Variants in TMEM220 observed in about 807,000 individuals in gnomAD.
The protein encoded by TMEM220 is transmembrane protein 220.
TMEM220 carries 21 observed loss-of-function variants against 21.7 expected under a neutral mutation model. The ratio of observed to expected loss-of-function variants is 0.97; its 90% CI spans 0.69 to 1.39. TMEM220 has a LOEUF of 1.39. TMEM220 is among the 40% of genes most tolerant of loss of function. The probability of loss-of-function intolerance (pLI) is 0.00; values close to 1 mark genes in which losing one functional copy is unlikely to be tolerated. For synonymous variants in TMEM220, 80 were observed against 73.6 expected (o/e 1.09, Z -0.45); for missense variants, 191 against 201.9 (o/e 0.95, Z 0.33).
Position 10,714,406 on chromosome 17 carries a change from C to T in TMEM220, c.*1047G>A, listed in dbSNP as rs2151467827. The T allele has an allele frequency of 6.6e-6, 1 of 151,820 alleles. No homozygotes were observed. Among genetic ancestry groups the T allele is most frequent in the Non-Finnish European group, 1.5e-5 (1 of 67,904 alleles). 9.4% of individuals were successfully genotyped at this position (151,820 alleles called of 1,614,324 possible). ...AAATGAAAAAAAAAAAAGCTCTCCT[C>T]CCTAGGATTACTTTGGACATCCATT... On this transcript the variant is annotated 3_prime_UTR_variant, in exon 6 of 6. Transcript: ENST00000341871.
At chr17:10,726,654 G>GC (rs1299924973) in intron 2 of TMEM220, among the ~76,000 whole-genome samples, 1 of 152,200 alleles carries the variant, frequency 6.6e-6, no homozygotes, top group Non-Finnish European at 1.5e-5. Flanking sequence ...CAGCCACGAT[G>GC]CTAGATGGCC....
intron 2 of TMEM220, 76 bp downstream of exon 2, chr17:10,728,955 G>C (rs1459831943): frequency 4.7e-6 from 7 of 1,495,920 alleles, no homozygotes; most frequent in Non-Finnish European, 6.5e-6. Flanking sequence ...GAGGGGTAAA[G>C]ACATAAAACC....
intron 3 of TMEM220, 130 bp from the exon 4 acceptor site, chr17:10,725,264 C>T: frequency 1.5e-6 from 2 of 1,311,984 alleles, no homozygotes; most frequent in Non-Finnish European, 2.1e-6. Flanking sequence ...CCCCATCGCC[C>T]CTTTTTGTTT....
intron 5 of TMEM220, among the ~76,000 whole-genome samples, chr17:10,718,114 G>A (rs1441339235): frequency 2.6e-5 from 4 of 152,034 alleles, no homozygotes; most frequent in East Asian, 1.9e-4. Context: ...GAGCCACGGC[G>A]CCCGGCCCTA....
At chr17:10,716,014 C>T in intron 5 of TMEM220, 1 of 512,866 alleles carries the variant, frequency 1.9e-6, no homozygotes, top group South Asian at 1.9e-5. Context: ...ACAAAATGTT[C>T]TTGATAATGG....
At chr17:10,713,113 A>G (rs1183040600), downstream of TMEM220, among the ~76,000 whole-genome samples, 4 of 151,998 alleles carry the variant, frequency 2.6e-5, no homozygotes, top group Admixed American at 6.6e-5. Context: ...TCTACTAAAA[A>G]TACAAAAATT....
intron 5 of TMEM220, chr17:10,715,875 C>T (rs377255): frequency 0.48 from 161,389 of 337,640 alleles, 39,623 homozygotes; most frequent in African/African-American, 0.64. Flanking sequence ...GATTTTTGTG[C>T]TGTTTAAGAA....
Position 10,723,314 on chromosome 17 carries a change from C to T in TMEM220, c.303G>A (p.Leu101=). 1.2e-6 allele frequency: 2 copies of T among 1,614,026 alleles called. No homozygotes were observed. Among genetic ancestry groups the T allele is most frequent in the Non-Finnish European group, 1.7e-6 (2 of 1,179,958 alleles). The change falls in exon 5 of 6, where the codon CTG becomes CTA. Residue 101 remains leucine, a synonymous_variant. Coordinates refer to ENST00000341871, the MANE Select transcript of TMEM220 (RefSeq NM_001004313.3). ...GGATAATCCATGCTGTAATAATCAC[C>T]AGACCAGACAGCTCCCTATAAAAGG... is the stretch of plus-strand genomic sequence containing the variant. ...HEEEGRELSG[L]VIITAWIILC...
chr17:10,715,400 TA>T lies in TMEM220; in HGVS notation c.*52del. On this transcript the variant is annotated 3_prime_UTR_variant, in exon 6 of 6. Transcript: ENST00000341871. ...ACTCCTGGCTTGTTCCCCTAATGTT[TA>T]TAAAAAATTGATTGAAAATATTCAT... 6.5e-7 allele frequency: 1 copy of T among 1,527,314 alleles called. No individual in the cohort carries two copies. The highest frequency in any genetic ancestry group is 8.8e-7 in the Non-Finnish European group (1 of 1,131,410). 94.6% of individuals were successfully genotyped at this position (1,527,314 alleles called of 1,614,324 possible). A position where few individuals can be genotyped will look rare whatever the true frequency, so the allele number is the denominator to read the frequency against.
Position 10,715,249 on chromosome 17 carries a change from C to G in TMEM220, c.*204G>C. On this transcript the variant is annotated 3_prime_UTR_variant, in exon 6 of 6. Transcript: ENST00000341871. ...CACTACATTATGACACAAGACCCTG[C>G]AGAAAGTCGTCTGGAAAATATCAGA... 2.2e-6 allele frequency: 1 copy of G among 447,630 alleles called. No homozygotes were observed. Among genetic ancestry groups the G allele is most frequent in the Non-Finnish European group, 3.9e-6 (1 of 254,902 alleles). The allele number at this position is 447,630 out of a possible 1,614,324, so 27.7% of individuals were successfully genotyped here.
chr17:10,712,114 G>A (rs182759553), downstream of TMEM220, among the ~76,000 whole-genome samples: 466 of 152,302 alleles, frequency 3.1e-3, 3 homozygotes, highest in Non-Finnish European at 4.7e-3. Context: ...TGAAACCAAG[G>A]TGTTGGCATG....
intron 1 of TMEM220, 125 bp downstream of exon 1, chr17:10,729,655 A>G (rs450562): frequency 0.43 from 348,092 of 800,350 alleles, 77,792 homozygotes; most frequent in African/African-American, 0.64. Flanking sequence ...AGAAAGCCCA[A>G]GTCCCGTCCT....
chr17:10,716,859 T>G (rs1335539885), intron 5 of TMEM220, among the ~76,000 whole-genome samples: 3 of 152,260 alleles, frequency 2.0e-5, no homozygotes, highest in Non-Finnish European at 4.4e-5. Flanking sequence ...TATTTAGGTC[T>G]TCTTCAATTT....
Position 10,715,460 on chromosome 17 carries a change from A to C in TMEM220, c.476T>G (p.Val159Gly). 1 of 1,580,028 alleles carries C rather than the reference A, an allele frequency of 6.3e-7. No homozygotes were observed. The highest frequency in any genetic ancestry group is 8.5e-7 in the Non-Finnish European group (1 of 1,172,400). The change falls in exon 6 of 6, where the codon GTA becomes GGA. Residue 159 changes from valine (V) to glycine (G), a missense_variant. Physicochemically the swap from Val to Gly is moderately radical, Grantham distance 109. Coordinates refer to ENST00000341871, the MANE Select transcript of TMEM220 (RefSeq NM_001004313.3). Reference sequence around the variant, plus strand: ...CGAAGTTCTTGAATTTATTTAAATTACTGTCTTGCAGTGAGTTGGCCAAGA... The same window carrying C: ...CGAAGTTCTTGAATTTATTTAAATTCCTGTCTTGCAGTGAGTTGGCCAAGA... ...RSSWPTHCKTVI is the reference protein window; with the variant it reads ...RSSWPTHCKTGI
At chr17:10,727,173 TTTAA>T (rs1429355715) in intron 2 of TMEM220, among the ~76,000 whole-genome samples, 3 of 138,048 alleles carry the variant, frequency 2.2e-5, no homozygotes, top group Non-Finnish European at 3.2e-5. Flanking sequence ...ACCTCGATTG[TTTAA>T]TTAATTTTTT....
At chr17:10,712,202 T>C (rs1045915153), downstream of TMEM220, among the ~76,000 whole-genome samples, 1 of 152,256 alleles carries the variant, frequency 6.6e-6, no homozygotes, top group African/African-American at 2.4e-5. Context: ...CTGTGGCTCA[T>C]GGCCCCTTCT....
At chr17:10,728,950 G>A (rs2075085806) in intron 2 of TMEM220, 81 bp downstream of exon 2, 3 of 1,470,710 alleles carry the variant, frequency 2.0e-6, no homozygotes, top group South Asian at 1.1e-5. Flanking sequence ...GGGAGGAGGG[G>A]TAAAGACATA....
chr17:10,722,461 C>T (rs1190805891), intron 5 of TMEM220, among the ~76,000 whole-genome samples: 2 of 152,082 alleles, frequency 1.3e-5, no homozygotes, highest in Non-Finnish European at 2.9e-5. Context: ...TCCCCTTCTC[C>T]TGCCTTCTGT....
chr17:10,726,415 T>C (rs930530278), intron 2 of TMEM220, 151 bp from the exon 3 acceptor site: 6 of 669,358 alleles, frequency 9.0e-6, no homozygotes, highest in Non-Finnish European at 1.6e-5. Context: ...GAGAAAGTGG[T>C]AGATTCTCCT....
Sources: allele counts gnomAD v4.1 joint callset (sites outside exome capture counted in the v4.1 genomes callset), GRCh38; gene constraint gnomAD v4.1.1; transcripts MANE v1.5; gene names NCBI Gene and HGNC (gene_info 2026-07-23, HGNC 2026-07-21).